Variants in LRP2 observed in about 807,000 individuals in gnomAD.
The protein encoded by LRP2 is low-density lipoprotein receptor-related protein 2.
A neutral mutation model predicts 531.0 loss-of-function variants in LRP2; 172 were observed. The observed-to-expected ratio is 0.32, with a 90% CI of 0.29 to 0.37. The LOEUF (loss-of-function observed/expected upper bound fraction) is 0.37, where lower values mean the gene tolerates loss of function less well. LRP2 is among the 10% of genes least tolerant of loss of function. The pLI, the probability that LRP2 is intolerant of heterozygous loss-of-function variation, is 1.00. For synonymous variants in LRP2, 1,992 were observed against 2,027.6 expected (o/e 0.98, Z 0.47); for missense variants, 5,167 against 5,868.3 (o/e 0.88, Z 3.90).
intron 4 of LRP2, among the ~76,000 whole-genome samples, chr2:169,299,190 A>T (rs187514100): frequency 2.0e-4 from 30 of 151,502 alleles, no homozygotes; most frequent in Non-Finnish European, 2.8e-4. Context: ...AGAAAGAAAG[A>T]AATTCAGCAC....
intron 1 of LRP2, among the ~76,000 whole-genome samples, chr2:169,345,920 A>G (rs999202116): frequency 6.6e-6 from 1 of 152,244 alleles, no homozygotes; most frequent in Non-Finnish European, 1.5e-5. Flanking sequence ...ATGTGCCCAT[A>G]GAACAGGAAG....
At chr2:169,129,928 G>GT (rs918096035) in intron 77 of LRP2, among the ~76,000 whole-genome samples, 9 of 152,332 alleles carry the variant, frequency 5.9e-5, no homozygotes, top group Non-Finnish European at 1.3e-4. Flanking sequence ...GAGCCCACAG[G>GT]TTTTATGGGG....
chr2:169,239,171 T>C (rs1689715155), intron 26 of LRP2, among the ~76,000 whole-genome samples: 1 of 152,222 alleles, frequency 6.6e-6, no homozygotes, highest in African/African-American at 2.4e-5. Context: ...CACTTTCTTA[T>C]AGCAGAAATT....
At chr2:169,210,473 G>A (rs1381575568) in intron 37 of LRP2, among the ~76,000 whole-genome samples, 1 of 152,158 alleles carries the variant, frequency 6.6e-6, no homozygotes, top group African/African-American at 2.4e-5. Flanking sequence ...ATTGCTAAAT[G>A]TATTTAACCT....
At chr2:169,179,615 G>A (rs971348203) in intron 52 of LRP2, among the ~76,000 whole-genome samples, 2 of 152,024 alleles carry the variant, frequency 1.3e-5, no homozygotes, top group Admixed American at 6.5e-5. Context: ...AGCTCCTCAG[G>A]AGGCTGAGAC....
chr2:169,279,683 A>T (rs1330436127), intron 11 of LRP2, 88 bp from the exon 12 acceptor site: 1 of 754,846 alleles, frequency 1.3e-6, no homozygotes, highest in African/African-American at 1.8e-5. Context: ...ATCAAATCAG[A>T]AGTGCTAAAA....
At chr2:169,344,125 T>G (rs1031999224) in intron 1 of LRP2, among the ~76,000 whole-genome samples, 10 of 152,104 alleles carry the variant, frequency 6.6e-5, no homozygotes, top group Admixed American at 6.5e-4. Flanking sequence ...CTTTCTTTTT[T>G]TATTATTATT....
intron 44 of LRP2, among the ~76,000 whole-genome samples, chr2:169,199,683 A>C (rs900164656): frequency 6.6e-6 from 1 of 152,206 alleles, no homozygotes; most frequent in Non-Finnish European, 1.5e-5. Context: ...AAAAAATTCC[A>C]AATATCTTTA....
chr2:169,132,163 C>T (rs1335192018), intron 77 of LRP2, among the ~76,000 whole-genome samples: 1 of 152,142 alleles, frequency 6.6e-6, no homozygotes, highest in Non-Finnish European at 1.5e-5. Flanking sequence ...GAGCGAAGAA[C>T]AGCTTGAAAG....
Position 169,257,138 on chromosome 2 carries a change from C to T in LRP2, c.2625G>A (p.Leu875=). Residue 875 remains leucine (L), a synonymous_variant, in exon 18 of 79, where the codon TTG becomes TTA. Transcript: ENST00000649046. ...INTTLGWPNG[L]AIDWAASRLY... ...TTCCTACTTACGCCCAATCGATGGC[C>T]AAGCCATTGGGCCATCCAAGAGTAG... 6.2e-7 allele frequency: 1 copy of T among 1,612,724 alleles called. No homozygotes were observed. The highest frequency in any genetic ancestry group is 8.5e-7 in the Non-Finnish European group (1 of 1,179,116).
chr2:169,219,243 C>T (rs73973008), intron 34 of LRP2, among the ~76,000 whole-genome samples: 226 of 152,140 alleles, frequency 1.5e-3, no homozygotes, highest in African/African-American at 4.9e-3. Flanking sequence ...TGAAACAGAG[C>T]GCTAATACAA....
rs1687265608 is a variant in LRP2 at position 169,177,961 on chromosome 2, G to A, written c.10235C>T (p.Ala3412Val). 2 of 1,614,056 alleles carry A rather than the reference G, an allele frequency of 1.2e-6. No individual in the cohort carries two copies. The change falls in exon 53 of 79, where the codon GCT becomes GTT. Residue 3412 changes from alanine to valine, a missense_variant. Ala to Val is a moderately conservative substitution (Grantham distance 64, BLOSUM62 0). Around this residue, in one of 6 missense-constraint regions of LRP2, gnomAD observed 1,129 missense variants for 1,362.7 expected, o/e 0.83. Transcript: ENST00000649046. Reference sequence around the variant, plus strand: ...AATAGTGTCTTCAAAAATGGTAATAGCGAAAGGGTGAGGCAGTGCCCCATC... The same window carrying A: ...AATAGTGTCTTCAAAAATGGTAATAACGAAAGGGTGAGGCAGTGCCCCATC... ...VYDGALPHPFAITIFEDTIYW... is the reference protein window; with the variant it reads ...VYDGALPHPFVITIFEDTIYW...
chr2:169,172,656 G>C (rs1386120802), intron 57 of LRP2, among the ~76,000 whole-genome samples: 1 of 152,178 alleles, frequency 6.6e-6, no homozygotes, highest in Non-Finnish European at 1.5e-5. Flanking sequence ...GGGAAAATCA[G>C]AGAGACATTC....
chr2:169,138,616 A>C lies in LRP2; in HGVS notation c.13479T>G (p.Gly4493=), dbSNP rs1455338091. The C allele has an allele frequency of 6.2e-7, 1 of 1,613,896 alleles. No individual in the cohort carries two copies. The highest frequency in any genetic ancestry group is 8.5e-7 in the Non-Finnish European group (1 of 1,179,954). Residue 4493 remains glycine, a synonymous_variant, in exon 75 of 79, where the codon GGT becomes GGG. Transcript: ENST00000649046. ...TGTCAATAGCAGTCTCAGGTCCAAA[A>C]CCAGACACTCCAATATCCATGTTAA... ...ADLNMDIGVS[G]FGPETAIDRS... is the part of the protein sequence containing the mutation.
chr2:169,205,996 AAT>A, intron 40 of LRP2, 25 bp downstream of exon 40: 1 of 1,614,172 alleles, frequency 6.2e-7, no homozygotes, highest in South Asian at 1.1e-5. Flanking sequence ...AGCAGACAGA[AAT>A]ATAACAAGGA....
chr2:169,282,829 A>C, intron 10 of LRP2, 44 bp downstream of exon 10: 3 of 1,595,026 alleles, frequency 1.9e-6, no homozygotes, highest in Non-Finnish European at 2.6e-6. Flanking sequence ...AGCTATTAGA[A>C]TCTGTTCACT....
intron 63 of LRP2, 136 bp from the exon 64 acceptor site, chr2:169,157,638 A>G: frequency 1.1e-6 from 1 of 902,318 alleles, no homozygotes; most frequent in Non-Finnish European, 1.8e-6. Flanking sequence ...CTTGGAGAGG[A>G]CAGAGGGCAC....
intron 1 of LRP2, among the ~76,000 whole-genome samples, chr2:169,335,773 G>A (rs755717647): frequency 4.6e-5 from 7 of 152,170 alleles, no homozygotes; most frequent in Non-Finnish European, 1.0e-4. Context: ...CAGCACTTTG[G>A]GAGGCCAAGG....
intron 22 of LRP2, among the ~76,000 whole-genome samples, chr2:169,243,896 A>G (rs1442759004): frequency 6.6e-6 from 1 of 152,202 alleles, no homozygotes; most frequent in Non-Finnish European, 1.5e-5. Flanking sequence ...AGCATGACCC[A>G]CATGCCTAGT....
Sources: gnomAD v4.1 joint callset for allele counts (sites outside exome capture counted in the v4.1 genomes callset) on GRCh38, gnomAD v4.1.1 for gene constraint, gnomAD v4.1.1 regional missense constraint, MANE v1.5 for transcripts, NCBI Gene and HGNC (gene_info 2026-07-23, HGNC 2026-07-21) for gene names.